AFAP1L2: variants seen among roughly 807,000 people sequenced by gnomAD.
The protein encoded by AFAP1L2 is actin filament-associated protein 1-like 2.
AFAP1L2 carries 46 observed loss-of-function variants against 99.3 expected under a neutral mutation model. The observed-to-expected ratio is 0.46, with a 90% confidence interval of 0.37 to 0.59. AFAP1L2 has a LOEUF of 0.59. AFAP1L2 is among the 20% of genes least tolerant of loss of function. AFAP1L2 has a pLI of 0.00. For synonymous variants in AFAP1L2, 397 were observed against 419.1 expected, an observed-to-expected ratio of 0.95 and a Z score of 0.64; for missense variants, 959 against 1,034.9, an observed-to-expected ratio of 0.93 and a Z score of 1.01.
intron 18 of AFAP1L2, chr10:114,296,748 C>A: frequency 1.8e-6 from 1 of 557,842 alleles, no homozygotes; most frequent in Non-Finnish European, 3.0e-6. Flanking sequence ...TGAAGCATCC[C>A]CAAGCTCACA....
chr10:114,403,152 G>A (rs2058381505), intron 1 of AFAP1L2, among the ~76,000 whole-genome samples: 1 of 152,236 alleles, frequency 6.6e-6, no homozygotes, highest in South Asian at 2.1e-4. Context: ...AGAAGCTCCA[G>A]GGAGGGTTCA....
intron 1 of AFAP1L2, among the ~76,000 whole-genome samples, chr10:114,341,524 A>G (rs2048824455): frequency 6.6e-6 from 1 of 151,972 alleles, no homozygotes; most frequent in South Asian, 2.1e-4. Context: ...GAGGCAGGAG[A>G]ATCGCTTGAA....
At chr10:114,364,862 C>T in intron 1 of AFAP1L2, among the ~76,000 whole-genome samples, 1 of 152,248 alleles carries the variant, frequency 6.6e-6, no homozygotes, top group East Asian at 1.9e-4. Context: ...GGAGGGGGAG[C>T]CTTCTGAGTC....
Position 114,315,097 on chromosome 10 carries a change from C to T in AFAP1L2, c.612+463G>A, listed in dbSNP as rs1055181029. ...TGGAGCTTGCAGTGAGCCAAGATTG[C>T]GCCACTGCACTGCAGCCTGGGCGAC... On this transcript the variant is annotated intron_variant, in intron 6 of 18. Coordinates refer to ENST00000304129, the MANE Select transcript of AFAP1L2 (RefSeq NM_001001936.3). Among the ~76,000 whole-genome samples the T allele has an allele frequency of 8.5e-5, 13 of 152,180 alleles. No homozygotes were observed. The East Asian group carries it at 9.7e-4, about 11-fold the overall frequency.
Position 114,317,105 on chromosome 10 carries a change from C to T in AFAP1L2, c.407-1340G>A, listed in dbSNP as rs186420743. On this transcript the variant is annotated intron_variant, in intron 5 of 18. Transcript: ENST00000304129. ...AAGTCTTGGCAGAAGAATCCAGAAG[C>T]CCTTTCTCCTATCTGTATAGCTAGA... Among the ~76,000 whole-genome samples, 3 of 117,998 alleles carry T rather than the reference C, an allele frequency of 2.5e-5. No homozygotes were observed. The East Asian group carries it at 9.2e-4, about 36-fold the overall frequency. The allele number at this position is 117,998 out of a possible 152,430, so 77.4% of individuals were successfully genotyped here.
Position 114,296,034 on chromosome 10 carries a change from C to G in AFAP1L2, c.*8G>C. The stretch of plus-strand genomic sequence containing the variant: ...TTGACATGAGAGTCTTTAGATGAAG[C>G]TTGTTTTCTAACTTGCTCCTTTCTT... On this transcript the variant is annotated 3_prime_UTR_variant, in exon 19 of 19. Transcript: ENST00000304129. 1 of 1,614,110 alleles carries G rather than the reference C, an allele frequency of 6.2e-7. No homozygotes were observed.
chr10:114,371,747 C>G (rs935379170), intron 1 of AFAP1L2, among the ~76,000 whole-genome samples: 1 of 151,014 alleles, frequency 6.6e-6, no homozygotes, highest in African/African-American at 2.4e-5. Flanking sequence ...CACCATGGCA[C>G]GTGTATACCT....
rs774839672 is a variant in AFAP1L2, at chr10:114,301,560, G to T, written c.1431-95C>A. The T allele has an allele frequency of 4.9e-5, 44 of 893,162 alleles. No individual in the cohort carries two copies. The Middle Eastern group carries it at 1.3e-3, about 26-fold the overall frequency. The allele number at this position is 893,162 out of a possible 1,614,324, so 55.3% of individuals were successfully genotyped here. A position where few individuals can be genotyped will look rare whatever the true frequency, so the allele number is the denominator to read the frequency against. ...ATTCCCAGTGAGGAGTGGTTGCCGTGAAAGTGGTGGCCACACAAGAGATCT... is the reference window on the plus strand; with the variant it reads ...ATTCCCAGTGAGGAGTGGTTGCCGTTAAAGTGGTGGCCACACAAGAGATCT... On this transcript the variant is annotated intron_variant, in intron 12 of 18. Coordinates refer to ENST00000304129, the MANE Select transcript of AFAP1L2 (RefSeq NM_001001936.3).
At chr10:114,336,722 G>A (rs1195512872) in intron 2 of AFAP1L2, among the ~76,000 whole-genome samples, 3 of 152,016 alleles carry the variant, frequency 2.0e-5, no homozygotes, top group Non-Finnish European at 4.4e-5. Flanking sequence ...AGGCAGGAGT[G>A]GGGGCTGGTG....
chr10:114,359,685 A>G (rs1335383790), intron 1 of AFAP1L2, among the ~76,000 whole-genome samples: 1 of 152,202 alleles, frequency 6.6e-6, no homozygotes, highest in Non-Finnish European at 1.5e-5. Context: ...CTTAGTATGG[A>G]CCTGGACAAA....
intron 1 of AFAP1L2, among the ~76,000 whole-genome samples, chr10:114,384,365 G>A (rs904701321): frequency 2.0e-4 from 30 of 151,198 alleles, no homozygotes; most frequent in African/African-American, 5.8e-4. Context: ...TCACTGGAGC[G>A]TCTGCTGCAG....
intron 5 of AFAP1L2, chr10:114,319,493 G>T: frequency 8.5e-7 from 1 of 1,173,980 alleles, no homozygotes; most frequent in African/African-American, 1.6e-5. Flanking sequence ...CTCGGGACAT[G>T]CACACATCTT....
chr10:114,330,343 C>A (rs1408050521), intron 4 of AFAP1L2, among the ~76,000 whole-genome samples: 1 of 152,200 alleles, frequency 6.6e-6, no homozygotes, highest in Non-Finnish European at 1.5e-5. Context: ...ACCCAAGACC[C>A]CCTGGCTACC....
intron 1 of AFAP1L2, among the ~76,000 whole-genome samples, chr10:114,391,555 C>T (rs138127082): frequency 2.6e-5 from 4 of 152,294 alleles, no homozygotes; most frequent in East Asian, 3.9e-4. Flanking sequence ...ATATACCACA[C>T]GTGAGATTAG....
At chr10:114,306,344 C>CGCGGGGGCAGGAGGGGAT (rs2042423204) in intron 10 of AFAP1L2, among the ~76,000 whole-genome samples, 1 of 79,228 alleles carries the variant, frequency 1.3e-5, no homozygotes, top group Admixed American at 1.5e-4. Flanking sequence ...CAGGAGGGGA[C>CGCGGGGGCAGGAGGGGAT]GCGGGGGCAG....
intron 6 of AFAP1L2, among the ~76,000 whole-genome samples, chr10:114,314,339 G>A (rs2043774558): frequency 6.6e-6 from 1 of 152,216 alleles, no homozygotes; most frequent in Admixed American, 6.5e-5. Flanking sequence ...CTTGCCCCAG[G>A]CCTGGAGGGC....
chr10:114,366,661 T>C (rs1479799926), intron 1 of AFAP1L2, among the ~76,000 whole-genome samples: 1 of 152,196 alleles, frequency 6.6e-6, no homozygotes, highest in Admixed American at 6.5e-5. Flanking sequence ...TTCTTTCTGA[T>C]ACTCAGTTGT....
chr10:114,299,496 T>C (rs532523950), intron 15 of AFAP1L2, 81 bp from the exon 16 acceptor site: 9 of 1,557,392 alleles, frequency 5.8e-6, no homozygotes, highest in Admixed American at 3.6e-5. Context: ...CAGGCTCGGA[T>C]AGAACCTGGG....
At chr10:114,328,693 C>T (rs1210404238) in intron 4 of AFAP1L2, among the ~76,000 whole-genome samples, 1 of 152,224 alleles carries the variant, frequency 6.6e-6, no homozygotes, top group African/African-American at 2.4e-5. Context: ...GGTTCTCCTC[C>T]TCCTTCAGAG....
Sources: allele counts gnomAD v4.1 joint callset (sites outside exome capture counted in the v4.1 genomes callset), GRCh38; gene constraint gnomAD v4.1.1; transcripts MANE v1.5; gene names NCBI Gene and HGNC (gene_info 2026-07-23, HGNC 2026-07-21).